KRIT1: variants seen among roughly 807,000 people sequenced by gnomAD.
The protein encoded by KRIT1 is krev interaction trapped protein 1.
Under a neutral mutation model 95.8 loss-of-function variants are expected in KRIT1, and 45 were observed. The ratio of observed to expected loss-of-function variants is 0.47; its 90% CI spans 0.37 to 0.60. The LOEUF (loss-of-function observed/expected upper bound fraction) is 0.60. Ranked by LOEUF, KRIT1 falls within the 20% of genes least tolerant of loss-of-function variation. The probability of loss-of-function intolerance (pLI) is 0.00; values close to 1 mark genes in which losing one functional copy is unlikely to be tolerated. For missense variants in KRIT1, 788 were observed against 877.5 expected, an observed-to-expected ratio of 0.90 and a Z score of 1.29; for synonymous variants, 282 against 278.8, an observed-to-expected ratio of 1.01 and a Z score of -0.11.
chr7:92,201,808 T>C (rs986794671), intron 17 of KRIT1, among the ~76,000 whole-genome samples: 27 of 152,136 alleles, frequency 1.8e-4, no homozygotes, highest in Non-Finnish European at 2.9e-5. Context: ...GTTCTTGTGA[T>C]AGTTTGCTGA....
chr7:92,230,804 C>T (rs188638699), intron 10 of KRIT1, among the ~76,000 whole-genome samples: 110 of 152,152 alleles, frequency 7.2e-4, no homozygotes, highest in Non-Finnish European at 6.6e-4. Context: ...ACATTTCTGA[C>T]GCCTTAAATT....
chr7:92,237,600 T>C, intron 6 of KRIT1, 67 bp downstream of exon 6: 1 of 857,938 alleles, frequency 1.2e-6, no homozygotes, highest in South Asian at 1.6e-5. Flanking sequence ...AATTCTTAAC[T>C]TCCTCAATAG....
At chr7:92,228,725 G>A (rs535357209) in intron 10 of KRIT1, among the ~76,000 whole-genome samples, 55 of 151,948 alleles carry the variant, frequency 3.6e-4, no homozygotes, top group African/African-American at 1.2e-3. Context: ...TATTTTTTCC[G>A]CTCCTCTCCC....
intron 17 of KRIT1, among the ~76,000 whole-genome samples, chr7:92,207,131 C>A: frequency 6.6e-6 from 1 of 151,996 alleles, no homozygotes; most frequent in African/African-American, 2.4e-5. Context: ...GTAAGAGATG[C>A]AGACATCAAG....
At position 92,201,336 on chromosome 7, in the gene KRIT1, T is replaced by G; in HGVS notation, c.2113A>C (p.Lys705Gln). Residue 705 changes from lysine to glutamine, a missense_variant, in exon 18 of 19, where the codon AAA becomes CAA. Physicochemically the swap from Lys to Gln is moderately conservative, Grantham distance 53. This residue lies in a region of KRIT1 where 493 missense variants were observed against 582.3 expected (regional missense o/e 0.85). Coordinates refer to ENST00000394505, the MANE Select transcript of KRIT1 (RefSeq NM_194454.3). ...TCFQIHSMEN[K>Q]MSFIVHTKQA... ...TTTGTATGTACTATAAAGCTCATTTTATTTTCCATGCTATGGATCTGAAAA... is the reference window on the plus strand; with the variant it reads ...TTTGTATGTACTATAAAGCTCATTTGATTTTCCATGCTATGGATCTGAAAA... 2 of 1,570,146 alleles carry G rather than the reference T, an allele frequency of 1.3e-6. No homozygotes were observed. The highest frequency in any genetic ancestry group is 1.3e-5 in the African/African-American group (1 of 74,168).
At chr7:92,239,375 AAAT>A (rs1799100217) in intron 5 of KRIT1, among the ~76,000 whole-genome samples, 2 of 152,220 alleles carry the variant, frequency 1.3e-5, no homozygotes, top group African/African-American at 4.8e-5. Context: ...TTGTCAGCTC[AAAT>A]ATGTGATTTA....
At chr7:92,239,805 T>C (rs1799228405) in intron 5 of KRIT1, among the ~76,000 whole-genome samples, 1 of 150,494 alleles carries the variant, frequency 6.6e-6, no homozygotes, top group Admixed American at 6.7e-5. Context: ...CCATTTCCCA[T>C]GTTCAAGCGA....
At chr7:92,216,839 T>C (rs137991346) in intron 14 of KRIT1, among the ~76,000 whole-genome samples, 2 of 152,296 alleles carry the variant, frequency 1.3e-5, no homozygotes, top group East Asian at 3.9e-4. Context: ...TTGAAGAATA[T>C]GAGTAGATAA....
At chr7:92,219,271 G>T (rs1794647918) in intron 14 of KRIT1, among the ~76,000 whole-genome samples, 2 of 152,118 alleles carry the variant, frequency 1.3e-5, no homozygotes, top group Non-Finnish European at 2.9e-5. Flanking sequence ...AAAAGTGCTG[G>T]GATTACAGGT....
Position 92,199,621 on chromosome 7 carries a change from G to A in KRIT1, c.*1115C>T, listed in dbSNP as rs1409121498. 4 of 152,076 alleles carry A rather than the reference G, an allele frequency of 2.6e-5. No individual in the cohort carries two copies. The highest frequency in any genetic ancestry group is 6.6e-5 in the Admixed American group (1 of 15,266). The allele number at this position is 152,076 out of a possible 1,614,324, so 9.4% of individuals were successfully genotyped here. ...AAAATACAGCATGTATTTAACAAAT[G>A]CAACTTCTAATATCAAGAGATTATC... On this transcript the variant is annotated 3_prime_UTR_variant, in exon 19 of 19. Coordinates refer to ENST00000394505, the MANE Select transcript of KRIT1 (RefSeq NM_194454.3).
At chr7:92,226,807 G>C (rs1420962138) in intron 10 of KRIT1, 125 bp from the exon 11 acceptor site, 1 of 807,090 alleles carries the variant, frequency 1.2e-6, no homozygotes, top group African/African-American at 1.7e-5. Context: ...AATTTTCTAG[G>C]ACAGAGAGCA....
At chr7:92,243,723 A>G (rs1800206081) in intron 3 of KRIT1, among the ~76,000 whole-genome samples, 1 of 152,156 alleles carries the variant, frequency 6.6e-6, no homozygotes, top group South Asian at 2.1e-4. Flanking sequence ...CATAAACTTT[A>G]GCCTAAGATT....
At chr7:92,211,309 G>C (rs1393944571) in intron 17 of KRIT1, among the ~76,000 whole-genome samples, 1 of 152,136 alleles carries the variant, frequency 6.6e-6, no homozygotes, top group African/African-American at 2.4e-5. Flanking sequence ...AGAAAACGTG[G>C]TATATATGCA....
intron 14 of KRIT1, among the ~76,000 whole-genome samples, chr7:92,220,241 T>C (rs964538041): frequency 6.6e-6 from 1 of 152,170 alleles, no homozygotes; most frequent in African/African-American, 2.4e-5. Flanking sequence ...CATGAAAGGG[T>C]GTTGGATTTT....
At position 92,241,085 on chromosome 7, in the gene KRIT1, T is replaced by C. The variant is rs760394812; in HGVS notation, c.170A>G (p.Lys57Arg). 9.9e-6 allele frequency: 16 copies of C among 1,611,792 alleles called. No individual in the cohort carries two copies. Among genetic ancestry groups the C allele is most frequent in the African/African-American group, 1.3e-5 (1 of 74,898 alleles). The part of the protein sequence containing the change: ...KKRKKVLLET[K>R]LQGNSEITQG... ...TGTTATTTCACTGTTGCCTTGAAGT[T>C]TCGTTTCCAATAAAACTTTCTTTCT... The change falls in exon 5 of 19, where the codon AAA becomes AGA. Residue 57 changes from lysine (K) to arginine (R), a missense_variant. Transcript: ENST00000394505.
At chr7:92,243,500 T>G (rs1417783501) in intron 3 of KRIT1, among the ~76,000 whole-genome samples, 5 of 152,206 alleles carry the variant, frequency 3.3e-5, no homozygotes, top group Admixed American at 3.3e-4. Context: ...TCCCTACTGC[T>G]GCAACTCTCA....
chr7:92,220,518 C>T lies in KRIT1; in HGVS notation c.1563+1384G>A, dbSNP rs181901590. On this transcript the variant is annotated intron_variant, in intron 14 of 18. Coordinates refer to ENST00000394505, the MANE Select transcript of KRIT1 (RefSeq NM_194454.3). ...CATGGCTGTTGAAATTTTCTTGTGC[C>T]AAAATTTGTTTAACTGTGTTTGTTT... is the stretch of plus-strand genomic sequence containing the variant. Among the ~76,000 whole-genome samples, 323 of 152,010 alleles carry T rather than the reference C, an allele frequency of 2.1e-3. 4 individuals are homozygous for T. The highest frequency in any genetic ancestry group is 7.2e-3 in the African/African-American group (298 of 41,480).
At chr7:92,204,662 T>C (rs1790980166) in intron 17 of KRIT1, among the ~76,000 whole-genome samples, 1 of 152,054 alleles carries the variant, frequency 6.6e-6, no homozygotes, top group Non-Finnish European at 1.5e-5. Context: ...AGAGGGTTCA[T>C]GTTCCTATAA....
At chr7:92,206,464 C>G (rs1412206395) in intron 17 of KRIT1, 3 of 152,266 alleles carry the variant, frequency 2.0e-5, no homozygotes, top group Non-Finnish European at 2.9e-5. Context: ...CTCTCAGACA[C>G]CGCTAATGCT....
Sources: gnomAD v4.1 joint callset for allele counts (sites outside exome capture counted in the v4.1 genomes callset) on GRCh38, gnomAD v4.1.1 for gene constraint, gnomAD v4.1.1 regional missense constraint, MANE v1.5 for transcripts, NCBI Gene and HGNC (gene_info 2026-07-23, HGNC 2026-07-21) for gene names.